SOX6: variants seen among roughly 807,000 people sequenced by gnomAD.
SOX6 encodes transcription factor SOX-6.
A neutral mutation model predicts 97.8 loss-of-function variants in SOX6; 11 were observed. The ratio of observed to expected loss-of-function variants is 0.11; its 90% CI spans 0.07 to 0.19. The LOEUF (loss-of-function observed/expected upper bound fraction) is 0.19. SOX6 is among the 10% of genes least tolerant of loss of function. SOX6 has a pLI of 1.00. For synonymous variants in SOX6, 360 were observed against 371.4 expected (o/e 0.97, Z 0.35); for missense variants, 810 against 1,039.5 (o/e 0.78, Z 3.04).
intron 15 of SOX6, among the ~76,000 whole-genome samples, chr11:15,980,949 C>A (rs1027131128): frequency 6.6e-6 from 1 of 150,752 alleles, no homozygotes; most frequent in Non-Finnish European, 1.5e-5. Context: ...CTATAGAATT[C>A]TCTGAAACTC....
chr11:16,488,419 T>C (rs891602115), intron 4 of SOX6, among the ~76,000 whole-genome samples: 7 of 152,178 alleles, frequency 4.6e-5, no homozygotes, highest in Non-Finnish European at 7.4e-5. Context: ...AAAGTTTTTG[T>C]GGGGATTTGA....
intron 3 of SOX6, among the ~76,000 whole-genome samples, chr11:16,289,610 A>G (rs1033237885): frequency 6.6e-6 from 1 of 152,024 alleles, no homozygotes; most frequent in Non-Finnish European, 1.5e-5. Context: ...TTGATTTACT[A>G]AAGCCCAGAT....
At chr11:16,735,275 T>C (rs967175739) in intron 2 of SOX6, among the ~76,000 whole-genome samples, 17 of 152,322 alleles carry the variant, frequency 1.1e-4, no homozygotes, top group African/African-American at 4.1e-4. Flanking sequence ...ACAATACTTT[T>C]AGGCTTATCA....
chr11:16,196,550 C>T (rs1004293655), intron 4 of SOX6, among the ~76,000 whole-genome samples: 3 of 152,128 alleles, frequency 2.0e-5, no homozygotes, highest in African/African-American at 7.2e-5. Flanking sequence ...TTTAAAATAT[C>T]CCAGCGACTA....
At chr11:16,371,865 T>C (rs1417609269) in intron 1 of SOX6, among the ~76,000 whole-genome samples, 5 of 152,260 alleles carry the variant, frequency 3.3e-5, no homozygotes, top group African/African-American at 1.2e-4. Context: ...TTTTAGATTT[T>C]GGAGCATTTC....
chr11:16,612,969 G>A (rs1234406622), intron 3 of SOX6, among the ~76,000 whole-genome samples: 1 of 152,056 alleles, frequency 6.6e-6, no homozygotes, highest in Non-Finnish European at 1.5e-5. Context: ...AACTGTAAAC[G>A]GGATTTCCCC....
intron 3 of SOX6, among the ~76,000 whole-genome samples, chr11:16,309,244 C>G (rs1406849026): frequency 6.6e-6 from 1 of 151,994 alleles, no homozygotes; most frequent in Non-Finnish European, 1.5e-5. Context: ...TTGTTTGCAC[C>G]AGCAGAAAAC....
chr11:16,373,869 AAGGAAGGAAGGAAGGAAGGG>A (rs771707855), intron 1 of SOX6, among the ~76,000 whole-genome samples: 9,856 of 31,760 alleles, frequency 0.31, 1,039 homozygotes, highest in Non-Finnish European at 0.35. Flanking sequence ...GGAAGGAAGG[AAGGAAGGAAGGAAGGAAGGG>A]AGGGAGGGAG....
chr11:16,207,032 C>A (rs930438745), intron 4 of SOX6, among the ~76,000 whole-genome samples: 6 of 152,108 alleles, frequency 3.9e-5, no homozygotes, highest in African/African-American at 1.4e-4. Context: ...TTAGCACACA[C>A]CGACCCCTAC....
At chr11:16,408,293 T>C (rs1046542690) in intron 1 of SOX6, among the ~76,000 whole-genome samples, 1 of 138,880 alleles carries the variant, frequency 7.2e-6, no homozygotes, top group African/African-American at 2.5e-5. Context: ...CTCTCTTTGC[T>C]TTGACAGAGA....
At chr11:16,205,010 A>AT (rs1852036209) in intron 4 of SOX6, among the ~76,000 whole-genome samples, 1 of 152,048 alleles carries the variant, frequency 6.6e-6, no homozygotes. Flanking sequence ...TAGATAGTTG[A>AT]TTTTCGTTAT....
At chr11:16,214,731 C>G (rs953028295) in intron 4 of SOX6, among the ~76,000 whole-genome samples, 1 of 151,152 alleles carries the variant, frequency 6.6e-6, no homozygotes, top group African/African-American at 2.4e-5. Flanking sequence ...GCTTCCCCCT[C>G]AAGCACTGGA....
intron 9 of SOX6, among the ~76,000 whole-genome samples, chr11:16,064,732 A>G (rs1848050112): frequency 6.6e-6 from 1 of 151,998 alleles, no homozygotes; most frequent in African/African-American, 2.4e-5. Context: ...AATCAATGTG[A>G]TACATCATAT....
intron 3 of SOX6, among the ~76,000 whole-genome samples, chr11:16,637,263 C>A (rs1489207874): frequency 6.6e-6 from 1 of 152,162 alleles, no homozygotes; most frequent in African/African-American, 2.4e-5. Context: ...CTCTATCGCC[C>A]AGGCTGGAGT....
chr11:16,632,257 T>C (rs1052551584), intron 3 of SOX6, among the ~76,000 whole-genome samples: 3 of 152,184 alleles, frequency 2.0e-5, no homozygotes, highest in African/African-American at 7.2e-5. Flanking sequence ...TCTTTTTCTC[T>C]TTTTCCCTAC....
intron 15 of SOX6, among the ~76,000 whole-genome samples, chr11:15,974,423 G>A (rs1389333569): frequency 8.5e-6 from 1 of 117,258 alleles, no homozygotes; most frequent in Non-Finnish European, 1.6e-5. Flanking sequence ...AAGTTTTAGG[G>A]TACATGTGCA....
chr11:16,522,678 A>C (rs1200792890), intron 4 of SOX6, among the ~76,000 whole-genome samples: 1 of 152,214 alleles, frequency 6.6e-6, no homozygotes, highest in East Asian at 1.9e-4. Context: ...TAAAAGACAC[A>C]GACTGGCAAG....
rs141242216 is a variant in SOX6, at chr11:16,666,244, T to C, written n.429+48586A>G. Among the ~76,000 whole-genome samples, 1,172 of 152,176 alleles carry C rather than the reference T, an allele frequency of 7.7e-3. 14 individuals are homozygous for C. The highest frequency in any genetic ancestry group is 0.027 in the African/African-American group (1,117 of 41,502). ...TAAATAAGGCACCAATGACAAATCC[T>C]GGAGAGAGAAAGATATGTGACCCTT... is the stretch of plus-strand genomic sequence containing the variant. On this transcript the variant is annotated intron_variant and non_coding_transcript_variant, in intron 3 of 5. Transcript: ENST00000524520.
intron 9 of SOX6, among the ~76,000 whole-genome samples, chr11:16,081,866 C>T (rs1254950480): frequency 6.6e-6 from 1 of 152,154 alleles, no homozygotes; most frequent in Non-Finnish European, 1.5e-5. Flanking sequence ...GATGTAAACA[C>T]ATATGTCTCT....
Sources: allele counts gnomAD v4.1 joint callset (sites outside exome capture counted in the v4.1 genomes callset), GRCh38; gene constraint gnomAD v4.1.1; transcripts MANE v1.5; gene names NCBI Gene and HGNC (gene_info 2026-07-23, HGNC 2026-07-21).